TENM4: variants seen among roughly 807,000 people sequenced by gnomAD.
TENM4 encodes teneurin-4.
TENM4 carries 82 observed loss-of-function variants against 243.3 expected under a neutral mutation model. The ratio of observed to expected loss-of-function variants is 0.34; its 90% confidence interval spans 0.28 to 0.40. The LOEUF (loss-of-function observed/expected upper bound fraction) is 0.40. TENM4 is among the 10% of genes least tolerant of loss of function. The pLI, the probability that TENM4 is intolerant of heterozygous loss-of-function variation, is 1.00. For missense variants in TENM4, 3,138 were observed against 3,673.3 expected, an observed-to-expected ratio of 0.85 and a Z score of 3.77; for synonymous variants, 1,412 against 1,456.3, an observed-to-expected ratio of 0.97 and a Z score of 0.69.
chr11:79,219,378 T>A (rs1399186133), intron 2 of TENM4, among the ~76,000 whole-genome samples: 1 of 152,136 alleles, frequency 6.6e-6, no homozygotes, highest in Admixed American at 6.5e-5. Flanking sequence ...AGCAGAGATG[T>A]GACATAATTG....
intron 12 of TENM4, among the ~76,000 whole-genome samples, chr11:78,853,303 C>T (rs1442885630): frequency 1.3e-5 from 2 of 152,126 alleles, no homozygotes; most frequent in South Asian, 2.1e-4. Flanking sequence ...TTTTCTGACC[C>T]GAACTGCCAA....
chr11:79,103,250 TC>T (rs1861279449), intron 4 of TENM4, among the ~76,000 whole-genome samples: 1 of 151,546 alleles, frequency 6.6e-6, no homozygotes, highest in South Asian at 2.1e-4. Flanking sequence ...CCTCCAGGAC[TC>T]CCCCCTCCCC....
chr11:79,325,101 C>A (rs1477871813), intron 1 of TENM4, among the ~76,000 whole-genome samples: 6 of 152,146 alleles, frequency 3.9e-5, no homozygotes, highest in African/African-American at 1.2e-4. Context: ...CCAACGTTGG[C>A]ACGTGGAAGA....
chr11:79,226,726 G>GC (rs889290919), intron 2 of TENM4, among the ~76,000 whole-genome samples: 8 of 152,054 alleles, frequency 5.3e-5, no homozygotes, highest in African/African-American at 2.4e-5. Context: ...AGACTTTACC[G>GC]CCCCCTCCCC....
At chr11:78,707,353 A>T (rs1285075656) in intron 27 of TENM4, among the ~76,000 whole-genome samples, 2 of 152,204 alleles carry the variant, frequency 1.3e-5, no homozygotes, top group African/African-American at 2.4e-5. Flanking sequence ...TCATCACAGG[A>T]TGTACTAAGG....
chr11:78,793,759 T>C (rs1490421605), intron 15 of TENM4, among the ~76,000 whole-genome samples: 2 of 152,246 alleles, frequency 1.3e-5, no homozygotes, highest in African/African-American at 2.4e-5. Flanking sequence ...TCCCATATCA[T>C]AGTTGAGGAA....
intron 24 of TENM4, among the ~76,000 whole-genome samples, chr11:78,721,317 C>A (rs574925306): frequency 6.6e-6 from 1 of 152,200 alleles, no homozygotes; most frequent in East Asian, 1.9e-4. Flanking sequence ...ATGAACCTAC[C>A]GCGTGTGTGC....
chr11:79,117,030 A>T (rs749291631), intron 4 of TENM4, among the ~76,000 whole-genome samples: 6 of 152,200 alleles, frequency 3.9e-5, no homozygotes, highest in Non-Finnish European at 7.3e-5. Flanking sequence ...TATCACCATC[A>T]TCATCATCAT....
rs183778343 is a variant in TENM4 at position 78,782,962 on chromosome 11, G to A, written c.2365+3936C>T. On this transcript the variant is annotated intron_variant, in intron 16 of 33. Coordinates refer to ENST00000278550, the MANE Select transcript of TENM4 (RefSeq NM_001098816.3). Reference sequence around the variant, plus strand: ...GGATTGGACAGCTCTCCTGAAGTCTGGTAAATAATTCTGTATATGTGGTAT... The same window carrying A: ...GGATTGGACAGCTCTCCTGAAGTCTAGTAAATAATTCTGTATATGTGGTAT... Among the ~76,000 whole-genome samples the A allele has an allele frequency of 5.9e-4, 90 of 152,204 alleles. 1 individual carries two copies. Among genetic ancestry groups the A allele is most frequent in the African/African-American group, 2.1e-3 (87 of 41,528 alleles).
chr11:78,799,431 C>T (rs1857233540), intron 15 of TENM4, among the ~76,000 whole-genome samples: 1 of 152,206 alleles, frequency 6.6e-6, no homozygotes, highest in Non-Finnish European at 1.5e-5. Flanking sequence ...TATAAACTGT[C>T]CTAAGAATTA....
intron 6 of TENM4, among the ~76,000 whole-genome samples, chr11:78,907,110 C>A (rs531134122): frequency 1.3e-5 from 2 of 152,214 alleles, no homozygotes; most frequent in African/African-American, 4.8e-5. Context: ...AGAAAGGGGA[C>A]CTTGATGTTT....
intron 12 of TENM4, among the ~76,000 whole-genome samples, chr11:78,827,191 A>G (rs1360911010): frequency 6.6e-6 from 1 of 152,218 alleles, no homozygotes; most frequent in Admixed American, 6.5e-5. Context: ...TTTGAAATAG[A>G]GTCTGTCTAT....
Position 78,889,942 on chromosome 11 carries a change from T to C in TENM4, c.927A>G (p.Thr309=). Residue 309 remains threonine, a synonymous_variant, in exon 9 of 34, where the codon ACA becomes ACG. Transcript: ENST00000278550. ...TSPGYPLTSS[T]VYSPPPRPLP... Reference sequence around the variant, plus strand: ...GGGGTCGGGGCGGAGGAGAGTACACTGTGCTGGACGTCAGTGGGTACCCTG... The same window carrying C: ...GGGGTCGGGGCGGAGGAGAGTACACCGTGCTGGACGTCAGTGGGTACCCTG... 1.3e-6 allele frequency: 2 copies of C among 1,551,530 alleles called. No individual in the cohort carries two copies. The highest frequency in any genetic ancestry group is 1.7e-6 in the Non-Finnish European group (2 of 1,146,968).
At chr11:78,714,175 T>C (rs1023995873) in intron 25 of TENM4, among the ~76,000 whole-genome samples, 3 of 152,330 alleles carry the variant, frequency 2.0e-5, no homozygotes, top group Middle Eastern at 3.4e-3. Flanking sequence ...AAAGAAGCTA[T>C]TTTGCATTTA....
chr11:79,222,726 G>A (rs1231691437), intron 2 of TENM4, among the ~76,000 whole-genome samples: 1 of 152,164 alleles, frequency 6.6e-6, no homozygotes, highest in Non-Finnish European at 1.5e-5. Flanking sequence ...ATCTCATTGG[G>A]ATTTTGATTT....
chr11:79,410,563 C>G (rs1334186267), intron 1 of TENM4, among the ~76,000 whole-genome samples: 2 of 152,300 alleles, frequency 1.3e-5, no homozygotes, highest in Non-Finnish European at 2.9e-5. Context: ...TCAACTCCAT[C>G]TTTTTCCCAG....
At chr11:79,131,631 A>G (rs563169430) in intron 4 of TENM4, among the ~76,000 whole-genome samples, 177 of 152,334 alleles carry the variant, frequency 1.2e-3, no homozygotes, top group Non-Finnish European at 1.5e-3. Context: ...TTAAAAAGCA[A>G]AAACAAAAAA....
chr11:79,226,076 T>A (rs1460694201), intron 2 of TENM4, among the ~76,000 whole-genome samples: 1 of 152,156 alleles, frequency 6.6e-6, no homozygotes, highest in Non-Finnish European at 1.5e-5. Flanking sequence ...TTGATCCTCC[T>A]GGTGTTTTCT....
intron 30 of TENM4, among the ~76,000 whole-genome samples, chr11:78,674,659 G>A (rs552830429): frequency 2.8e-5 from 4 of 143,582 alleles, no homozygotes; most frequent in South Asian, 4.1e-4. Context: ...AGGAGTCTGC[G>A]AATTCAGACG....
Sources: gnomAD v4.1 joint callset for allele counts (sites outside exome capture counted in the v4.1 genomes callset) on GRCh38, gnomAD v4.1.1 for gene constraint, MANE v1.5 for transcripts, NCBI Gene and HGNC (gene_info 2026-07-23, HGNC 2026-07-21) for gene names.